Variants in FRY observed in about 807,000 individuals in gnomAD.
FRY encodes the protein FRY microtubule binding protein.
Under a neutral mutation model 348.4 loss-of-function variants are expected in FRY, and 128 were observed. That is an observed-to-expected ratio of 0.37 (90% CI 0.32 to 0.43). The LOEUF is 0.43. Among genes scored for constraint, FRY ranks in the 20% least tolerant of loss-of-function variants. The probability of loss-of-function intolerance (pLI) is 1.00; values close to 1 mark genes in which losing one functional copy is unlikely to be tolerated. For synonymous variants in FRY, 1,370 were observed against 1,374.7 expected (o/e 1.00, Z 0.08); for missense variants, 2,736 against 3,695.2 (o/e 0.74, Z 6.73).
At chr13:32,060,324 C>G (rs984637016) in intron 1 of FRY, among the ~76,000 whole-genome samples, 4 of 152,148 alleles carry the variant, frequency 2.6e-5, no homozygotes, top group African/African-American at 9.7e-5. Flanking sequence ...AATATTGGCT[C>G]CATCTTGGTT....
chr13:32,240,394 T>C (rs1566160272), intron 46 of FRY, among the ~76,000 whole-genome samples: 1 of 152,238 alleles, frequency 6.6e-6, no homozygotes, highest in Admixed American at 6.5e-5. Flanking sequence ...CAAATCTTAT[T>C]TAAGGAGTTA....
intron 1 of FRY, among the ~76,000 whole-genome samples, chr13:32,054,103 G>A (rs771765919): frequency 2.0e-5 from 3 of 152,132 alleles, no homozygotes; most frequent in Non-Finnish European, 2.9e-5. Flanking sequence ...AACTCCCATT[G>A]TCAGGTTAAT....
chr13:32,237,230 G>T lies in FRY; in HGVS notation c.5811-149G>T. 1.3e-6 allele frequency: 1 copy of T among 796,830 alleles called. No homozygotes were observed. The highest frequency in any genetic ancestry group is 1.7e-5 in the South Asian group (1 of 58,048). The allele number at this position is 796,830 out of a possible 1,614,324, so 49.4% of individuals were successfully genotyped here. On this transcript the variant is annotated intron_variant, in intron 43 of 60. Coordinates refer to ENST00000542859, the MANE Select transcript of FRY (RefSeq NM_023037.3). This position sits in a 1 kb window ranked among gnomAD's most constrained non-coding sequence, Gnocchi z 6.3. ...GGTTTCTCTTGTTTTGTTTTTTATA[G>T]CTTTAAAGATAAGGAAAAATAAATG... is the stretch of plus-strand genomic sequence containing the variant.
At chr13:32,223,446 C>G (rs1312993416) in intron 36 of FRY, among the ~76,000 whole-genome samples, 3 of 152,124 alleles carry the variant, frequency 2.0e-5, no homozygotes, top group African/African-American at 7.2e-5. Flanking sequence ...AATTCTCACC[C>G]ATTTGATCAT....
At chr13:32,159,715 TC>T (rs1881332042) in intron 16 of FRY, among the ~76,000 whole-genome samples, 1 of 152,148 alleles carries the variant, frequency 6.6e-6, no homozygotes, top group African/African-American at 2.4e-5. Context: ...TCATCCATTT[TC>T]CGACAGATAT....
At chr13:32,040,256 ATGTT>A (rs1382666369) in intron 1 of FRY, among the ~76,000 whole-genome samples, 1 of 152,192 alleles carries the variant, frequency 6.6e-6, no homozygotes, top group Non-Finnish European at 1.5e-5. Flanking sequence ...AATCAATAAA[ATGTT>A]TGAACTGTAT....
At chr13:32,160,176 T>C (rs1006355517) in intron 16 of FRY, among the ~76,000 whole-genome samples, 2 of 152,250 alleles carry the variant, frequency 1.3e-5, no homozygotes, top group South Asian at 2.1e-4. Flanking sequence ...TAGTTGCATT[T>C]CTATTCTGAC....
intron 51 of FRY, among the ~76,000 whole-genome samples, chr13:32,261,292 G>C (rs1040813701): frequency 1.3e-5 from 2 of 152,152 alleles, no homozygotes; most frequent in Admixed American, 6.5e-5. Flanking sequence ...CATACTAATG[G>C]TCTCTTTGTT....
In FRY at chr13:32,209,655, G is replaced by A. The variant is rs953732762; in HGVS notation, c.4346G>A (p.Ser1449Asn). The A allele has an allele frequency of 1.7e-5, 27 of 1,613,896 alleles. No individual in the cohort carries two copies. The highest frequency in any genetic ancestry group is 1.7e-5 in the Admixed American group (1 of 59,992). The change falls in exon 33 of 61, where the codon AGC becomes AAC. Residue 1449 changes from serine to asparagine, a missense_variant. Ser to Asn is a conservative substitution (Grantham distance 46). Coordinates refer to ENST00000542859, the MANE Select transcript of FRY (RefSeq NM_023037.3). ...GCTTTAGCCAACAATGAGAAATGGA[G>A]CAACAACCTGAGGATCACCTTGCAG... ...WNALANNEKW[S>N]NNLRITLQFL...
intron 2 of FRY, among the ~76,000 whole-genome samples, chr13:32,094,848 T>G (rs996856864): frequency 6.6e-6 from 1 of 152,216 alleles, no homozygotes; most frequent in African/African-American, 2.4e-5. Context: ...TTCCAAATAC[T>G]GATTTCCTCT....
rs745378905 is a variant in FRY, at chr13:32,135,035, C to CA, written c.978+43dup. ...CTAAAAACTCCTTCAAATTGTATCA[C>CA]AAAATCAACAATTTTATTAATATAA... On this transcript the variant is annotated intron_variant, in intron 9 of 60. Transcript: ENST00000542859. 2.6e-6 allele frequency: 4 copies of CA among 1,546,350 alleles called. No homozygotes were observed. The South Asian group carries it at 4.5e-5, about 17-fold the overall frequency.
intron 7 of FRY, among the ~76,000 whole-genome samples, chr13:32,126,411 A>G (rs1879021394): frequency 6.6e-6 from 1 of 152,262 alleles, no homozygotes; most frequent in Non-Finnish European, 1.5e-5. Flanking sequence ...ACTGAGCAAT[A>G]TTCTAAGCTT....
intron 2 of FRY, among the ~76,000 whole-genome samples, chr13:32,100,248 T>G (rs570142156): frequency 2.0e-4 from 31 of 151,956 alleles, no homozygotes; most frequent in Non-Finnish European, 3.1e-4. Flanking sequence ...GCCCAGCTAA[T>G]TTTTGTATTT....
At position 32,161,125 on chromosome 13, in the gene FRY, T is replaced by C; in HGVS notation, c.1785-19T>C. On this transcript the variant is annotated intron_variant, in intron 16 of 60. Coordinates refer to ENST00000542859, the MANE Select transcript of FRY (RefSeq NM_023037.3). ...CACAGCTTTTTGACCTATTTTAAAA[T>C]TTTGTCTTCTAATTCTAGGGGTGAG... is the stretch of plus-strand genomic sequence containing the variant. 1 of 1,499,170 alleles carries C rather than the reference T, an allele frequency of 6.7e-7. No individual in the cohort carries two copies. Among genetic ancestry groups the C allele is most frequent in the South Asian group, 1.1e-5 (1 of 88,742 alleles). 92.9% of individuals were successfully genotyped at this position (1,499,170 alleles called of 1,614,324 possible). A position where few individuals can be genotyped will look rare whatever the true frequency, so the allele number is the denominator to read the frequency against.
intron 3 of FRY, among the ~76,000 whole-genome samples, chr13:32,104,157 T>A (rs1400704344): frequency 6.6e-6 from 1 of 152,208 alleles, no homozygotes; most frequent in Non-Finnish European, 1.5e-5. Flanking sequence ...TAATCCCAAA[T>A]AACTAGGCTT....
Position 32,239,647 on chromosome 13 carries a change from T to C in FRY, c.6517-64T>C. 1 of 1,167,840 alleles carries C rather than the reference T, an allele frequency of 8.6e-7. No individual in the cohort carries two copies. The highest frequency in any genetic ancestry group is 1.2e-5 in the South Asian group (1 of 80,246). 72.3% of individuals were successfully genotyped at this position (1,167,840 alleles called of 1,614,324 possible). A position where few individuals can be genotyped will look rare whatever the true frequency, so the allele number is the denominator to read the frequency against. ...CAGATGGCCAGAGCTTATAGTAAAA[T>C]TGCTAACATTTCTTCCTATTCATTG... is the stretch of plus-strand genomic sequence containing the variant. On this transcript the variant is annotated intron_variant, in intron 45 of 60. Coordinates refer to ENST00000542859, the MANE Select transcript of FRY (RefSeq NM_023037.3). The surrounding 1 kb of genome is among the most constrained non-coding windows in gnomAD (Gnocchi z 4.3).
At chr13:32,265,201 C>A (rs563296495) in intron 53 of FRY, among the ~76,000 whole-genome samples, 1 of 152,038 alleles carries the variant, frequency 6.6e-6, no homozygotes, top group Non-Finnish European at 1.5e-5. Context: ...GGGCCAAGTA[C>A]GAAAATCTAC....
rs968437726 is a variant in FRY, at chr13:32,210,869, A to G, written c.4426A>G (p.Lys1476Glu). ...SSDTVLLPYI[K>E]KVAIYLCRNN... ...TGTTTTCTTTTTTCCTTCTCAGATT[A>G]AAAAAGTGGCAATATACTTGTGCCG... The change falls in exon 34 of 61, where the codon AAA becomes GAA. Residue 1476 changes from lysine to glutamate, a missense_variant. Physicochemically the swap from Lys to Glu is moderately conservative, Grantham distance 56 (BLOSUM62 1). Coordinates refer to ENST00000542859, the MANE Select transcript of FRY (RefSeq NM_023037.3). 1.9e-6 allele frequency: 3 copies of G among 1,613,440 alleles called. No homozygotes were observed. Among genetic ancestry groups the G allele is most frequent in the Non-Finnish European group, 1.7e-6 (2 of 1,179,432 alleles).
At chr13:32,158,951 CAAAAAAA>C (rs35585320) in intron 16 of FRY, among the ~76,000 whole-genome samples, 7 of 32,768 alleles carry the variant, frequency 2.1e-4, no homozygotes, top group Non-Finnish European at 4.0e-4. Flanking sequence ...GCTGTTTCCT[CAAAAAAA>C]AAAAAAAAAA....
Sources: gnomAD v4.1 joint callset for allele counts (sites outside exome capture counted in the v4.1 genomes callset) on GRCh38, gnomAD v4.1.1 for gene constraint, Gnocchi (gnomAD v3.1) non-coding constraint, MANE v1.5 for transcripts, NCBI Gene and HGNC (gene_info 2026-07-23, HGNC 2026-07-21) for gene names.